DLGAP2: variants seen among roughly 807,000 people sequenced by gnomAD.
The protein encoded by DLGAP2 is DLG associated protein 2.
A neutral mutation model predicts 100.3 loss-of-function variants in DLGAP2; 26 were observed. The ratio of observed to expected loss-of-function variants is 0.26; its 90% CI spans 0.19 to 0.36. The LOEUF is 0.36. Among genes scored for constraint, DLGAP2 ranks in the 10% least tolerant of loss-of-function variants. The pLI is 1.00. For synonymous variants in DLGAP2, 886 were observed against 630.1 expected (o/e 1.41, Z -6.08); for missense variants, 1,858 against 1,453.2 (o/e 1.28, Z -4.53).
intron 3 of DLGAP2, chr8:1,300,379 C>T (rs1055032265): frequency 1.3e-5 from 2 of 152,186 alleles, no homozygotes; most frequent in African/African-American, 4.8e-5. Context: ...TGCGTTTTCC[C>T]TCCCTACACT....
intron 2 of DLGAP2, among the ~76,000 whole-genome samples, chr8:1,236,176 C>G (rs1256685034): frequency 4.6e-5 from 5 of 108,612 alleles, no homozygotes; most frequent in Admixed American, 1.0e-4. Flanking sequence ...GTCTAGTTCT[C>G]TCTCACACAG....
intron 3 of DLGAP2, among the ~76,000 whole-genome samples, chr8:1,286,278 C>A (rs924763923): frequency 6.6e-6 from 1 of 152,230 alleles, no homozygotes; most frequent in South Asian, 2.1e-4. Context: ...GAGGCCTCCT[C>A]AGCCATGCAG....
At chr8:1,688,392 T>G (rs1488960146) in intron 12 of DLGAP2, 1 of 152,270 alleles carries the variant, frequency 6.6e-6, no homozygotes, top group African/African-American at 2.4e-5. Flanking sequence ...CAAAGTGTTA[T>G]CCGAGTTACT....
At position 772,320 on chromosome 8, in the gene DLGAP2, T is replaced by C. The variant is rs147142544; in HGVS notation, c.18+34495T>C. On this transcript the variant is annotated intron_variant, in intron 1 of 14. Transcript: ENST00000637795. ...AAAATGTCATCTCATAATCATTATA[T>C]TAATATTAATAATTTTTTTTGAGAC... Among the ~76,000 whole-genome samples, 180 of 152,262 alleles carry C rather than the reference T, an allele frequency of 1.2e-3. 2 individuals carry two copies. The highest frequency in any genetic ancestry group is 4.1e-3 in the African/African-American group (171 of 41,548).
At chr8:1,575,878 T>A (rs189117126) in intron 6 of DLGAP2, among the ~76,000 whole-genome samples, 1 of 152,170 alleles carries the variant, frequency 6.6e-6, no homozygotes, top group East Asian at 1.9e-4. Flanking sequence ...TGATGGACAT[T>A]TGGGTTGGTT....
chr8:1,372,339 T>C (rs1186064509), intron 3 of DLGAP2, among the ~76,000 whole-genome samples: 1 of 152,114 alleles, frequency 6.6e-6, no homozygotes, highest in East Asian at 1.9e-4. Context: ...ACTAGGACAC[T>C]GTTTAATGTG....
At chr8:770,116 C>T (rs540955011) in intron 1 of DLGAP2, among the ~76,000 whole-genome samples, 28 of 152,152 alleles carry the variant, frequency 1.8e-4, no homozygotes, top group Admixed American at 2.6e-4. Context: ...AGGTTTTGTA[C>T]GTTTTTATAA....
intron 3 of DLGAP2, among the ~76,000 whole-genome samples, chr8:1,449,335 G>C (rs1014147181): frequency 1.3e-5 from 2 of 152,206 alleles, no homozygotes; most frequent in African/African-American, 4.8e-5. Flanking sequence ...ACTGGGGCAT[G>C]GGCAGGCATG....
intron 3 of DLGAP2, among the ~76,000 whole-genome samples, chr8:1,298,251 A>G (rs1800238599): frequency 6.6e-6 from 1 of 152,172 alleles, no homozygotes; most frequent in African/African-American, 2.4e-5. Flanking sequence ...CATCTTTATA[A>G]GTGATCAAGT....
At chr8:1,230,145 A>G (rs1312873869) in intron 2 of DLGAP2, among the ~76,000 whole-genome samples, 2 of 152,234 alleles carry the variant, frequency 1.3e-5, no homozygotes, top group Non-Finnish European at 2.9e-5. Flanking sequence ...CCTGGAACTG[A>G]TAAAGAAAAT....
chr8:745,457 A>T (rs1304277893), intron 1 of DLGAP2, among the ~76,000 whole-genome samples: 1 of 152,224 alleles, frequency 6.6e-6, no homozygotes, highest in Non-Finnish European at 1.5e-5. Flanking sequence ...GCAACCAAAC[A>T]GTATTTCTCA....
chr8:1,668,297 G>A (rs773200650), intron 8 of DLGAP2, 32 bp from the exon 9 acceptor site: 55 of 1,452,220 alleles, frequency 3.8e-5, no homozygotes, highest in Non-Finnish European at 4.5e-5. Flanking sequence ...GGAAGAACAC[G>A]CCTGTTGACT....
rs974722166 is a variant in DLGAP2, at chr8:1,457,531, A to C, written c.107-43835A>C. 3.3e-5 allele frequency among the ~76,000 whole-genome samples: 5 copies of C among 152,256 alleles called. No individual in the cohort carries two copies. In the South Asian group the frequency reaches 1.0e-3, roughly 31 times the overall value. ...CTTTGAATACTAATAGGACAAGCTGATGGCAGCAAGTTGAAACTTTAATTC... is the reference window on the plus strand; with the variant it reads ...CTTTGAATACTAATAGGACAAGCTGCTGGCAGCAAGTTGAAACTTTAATTC... On this transcript the variant is annotated intron_variant, in intron 3 of 14. Transcript: ENST00000637795.
intron 2 of DLGAP2, among the ~76,000 whole-genome samples, chr8:1,257,778 G>A (rs1017969142): frequency 1.3e-5 from 2 of 152,120 alleles, no homozygotes; most frequent in African/African-American, 4.8e-5. Context: ...CCGAGGGCCC[G>A]TGCAGGCCAG....
intron 2 of DLGAP2, among the ~76,000 whole-genome samples, chr8:1,125,289 C>G (rs1038153319): frequency 1.3e-5 from 2 of 152,206 alleles, no homozygotes; most frequent in Non-Finnish European, 2.9e-5. Flanking sequence ...TTCCAGCCTC[C>G]AGAACGTTAT....
chr8:1,613,679 C>G (rs968750294), intron 6 of DLGAP2, among the ~76,000 whole-genome samples: 1 of 152,100 alleles, frequency 6.6e-6, no homozygotes, highest in Non-Finnish European at 1.5e-5. Context: ...AACTCATTTT[C>G]TAAATTAACA....
At chr8:1,191,203 A>T (rs12543271) in intron 2 of DLGAP2, among the ~76,000 whole-genome samples, 1 of 144,484 alleles carries the variant, frequency 6.9e-6, no homozygotes, top group Admixed American at 6.9e-5. Flanking sequence ...ACGGAATCTC[A>T]CTCTGTCACC....
At chr8:1,448,241 T>A (rs1476902497) in intron 3 of DLGAP2, among the ~76,000 whole-genome samples, 7 of 152,234 alleles carry the variant, frequency 4.6e-5, no homozygotes, top group Admixed American at 4.6e-4. Flanking sequence ...TAAATTTCCC[T>A]CTACACACTG....
At chr8:1,360,199 AGGGGCGGGGCTTTTCC>A (rs1177305988) in intron 3 of DLGAP2, among the ~76,000 whole-genome samples, 3,772 of 99,940 alleles carry the variant, frequency 0.038, 190 homozygotes, top group African/African-American at 0.075. Context: ...GGGTGTGCTC[AGGGGCGGGGCTTTTCC>A]GGGGCGGGGC....
Sources: gnomAD v4.1 joint callset for allele counts (sites outside exome capture counted in the v4.1 genomes callset) on GRCh38, gnomAD v4.1.1 for gene constraint, MANE v1.5 for transcripts, NCBI Gene and HGNC (gene_info 2026-07-23, HGNC 2026-07-21) for gene names.